Variants in MRTFA observed in about 807,000 individuals in gnomAD.
The protein encoded by MRTFA is myocardin-related transcription factor A.
MRTFA carries 20 observed loss-of-function variants against 83.5 expected under a neutral mutation model. The observed-to-expected ratio is 0.24, with a 90% confidence interval of 0.17 to 0.35. The LOEUF (loss-of-function observed/expected upper bound fraction) is 0.35. MRTFA is among the 10% of genes least tolerant of loss of function. MRTFA has a pLI of 1.00. For missense variants in MRTFA, 1,200 were observed against 1,224.7 expected (o/e 0.98, Z 0.30); for synonymous variants, 659 against 541.2 (o/e 1.22, Z -3.02).
intron 3 of MRTFA, chr22:40,533,563 T>C: frequency 8.3e-7 from 1 of 1,210,504 alleles, no homozygotes; most frequent in Admixed American, 4.2e-5. Context: ...ATTAGCAAGT[T>C]AGGAAATTAG....
At chr22:40,605,126 T>C (rs1161026079) in intron 1 of MRTFA, among the ~76,000 whole-genome samples, 1 of 152,090 alleles carries the variant, frequency 6.6e-6, no homozygotes, top group Non-Finnish European at 1.5e-5. Context: ...CACTTGTCTG[T>C]AAAGGAAAAA....
chr22:40,426,542 C>T (rs2052957601), intron 7 of MRTFA, among the ~76,000 whole-genome samples: 1 of 152,198 alleles, frequency 6.6e-6, no homozygotes, highest in Admixed American at 6.5e-5. Flanking sequence ...AAGTCCCCAA[C>T]AATCACCCCA....
intron 12 of MRTFA, among the ~76,000 whole-genome samples, chr22:40,417,985 C>G (rs931882382): frequency 6.6e-6 from 1 of 152,132 alleles, no homozygotes; most frequent in Non-Finnish European, 1.5e-5. Flanking sequence ...GGAGAGGACC[C>G]TGAGCTGGAT....
chr22:40,505,687 C>G (rs2054568707), intron 3 of MRTFA, among the ~76,000 whole-genome samples: 1 of 152,206 alleles, frequency 6.6e-6, no homozygotes, highest in African/African-American at 2.4e-5. Context: ...CTTCACACAG[C>G]TTTCGGGTGG....
chr22:40,548,629 G>A (rs1464834849), intron 3 of MRTFA, among the ~76,000 whole-genome samples: 1 of 152,078 alleles, frequency 6.6e-6, no homozygotes, highest in Admixed American at 6.6e-5. Flanking sequence ...GGGAGGCCAA[G>A]GCGGGCGGAT....
intron 12 of MRTFA, 61 bp from the exon 13 acceptor site, chr22:40,417,554 G>T: frequency 1.1e-5 from 4 of 356,536 alleles, no homozygotes; most frequent in Non-Finnish European, 2.1e-5. Context: ...GACCTGCCTT[G>T]TAGGGGGCGG....
chr22:40,629,212 G>A (rs2056613786), intron 1 of MRTFA, among the ~76,000 whole-genome samples: 1 of 152,036 alleles, frequency 6.6e-6, no homozygotes, highest in Non-Finnish European at 1.5e-5. Flanking sequence ...GGGAGGCCGA[G>A]GCGGGCGGAT....
At chr22:40,427,522 G>A (rs1349981686) in intron 7 of MRTFA, among the ~76,000 whole-genome samples, 1 of 152,196 alleles carries the variant, frequency 6.6e-6, no homozygotes, top group Non-Finnish European at 1.5e-5. Context: ...TGCCTCAGGA[G>A]GGGCAGGCAG....
chr22:40,577,682 C>T (rs1188791626), intron 2 of MRTFA, among the ~76,000 whole-genome samples: 3 of 151,116 alleles, frequency 2.0e-5, no homozygotes, highest in African/African-American at 7.3e-5. Context: ...GTGCGATCAC[C>T]GCAACCTCTG....
At chr22:40,628,681 C>T (rs550815381) in intron 1 of MRTFA, among the ~76,000 whole-genome samples, 3 of 152,012 alleles carry the variant, frequency 2.0e-5, no homozygotes, top group South Asian at 2.1e-4. Flanking sequence ...ATTTTCACAA[C>T]GCTCTTTCTT....
At chr22:40,613,970 C>T (rs1026725156) in intron 1 of MRTFA, among the ~76,000 whole-genome samples, 18 of 151,990 alleles carry the variant, frequency 1.2e-4, no homozygotes, top group African/African-American at 4.1e-4. Context: ...GAGGCCGAGG[C>T]GGGCGGATCA....
chr22:40,555,398 C>A (rs1225297416), intron 2 of MRTFA, among the ~76,000 whole-genome samples: 1 of 151,986 alleles, frequency 6.6e-6, no homozygotes, highest in African/African-American at 2.4e-5. Flanking sequence ...TGAGTGAGTT[C>A]TTCCAATATC....
At chr22:40,622,453 C>T (rs2056534482) in intron 1 of MRTFA, among the ~76,000 whole-genome samples, 1 of 143,158 alleles carries the variant, frequency 7.0e-6, no homozygotes, top group South Asian at 2.1e-4. Flanking sequence ...TACACTCCAG[C>T]CTGGGTGACA....
At chr22:40,590,562 G>C (rs1292226243) in intron 2 of MRTFA, among the ~76,000 whole-genome samples, 1 of 151,534 alleles carries the variant, frequency 6.6e-6, no homozygotes, top group African/African-American at 2.4e-5. Context: ...AGTTACTCAG[G>C]AGGCTGAGGC....
chr22:40,502,189 T>TGCAC (rs2054499719), intron 3 of MRTFA, among the ~76,000 whole-genome samples: 1 of 124,228 alleles, frequency 8.0e-6, no homozygotes, highest in African/African-American at 3.2e-5. Context: ...CCGGACGGGG[T>TGCAC]GGCTGCCGGG....
At chr22:40,498,430 C>T (rs2054399598) in intron 3 of MRTFA, among the ~76,000 whole-genome samples, 1 of 149,686 alleles carries the variant, frequency 6.7e-6, no homozygotes, top group African/African-American at 2.5e-5. Flanking sequence ...GACTAAGGTA[C>T]AAGCTACCAT....
Position 40,410,301 on chromosome 22 carries a change from G to GTT in MRTFA, c.*1087_*1088dup, listed in dbSNP as rs1555955141. 7.3e-6 allele frequency: 4 copies of GTT among 548,284 alleles called. No homozygotes were observed. The highest frequency in any genetic ancestry group is 9.8e-6 in the Non-Finnish European group (4 of 408,836). 34.0% of individuals were successfully genotyped at this position (548,284 alleles called of 1,614,324 possible). ...TGGACTAACAGGCCTGTGTTTTTGT[G>GTT]TTTATTTTAAAAAGTTCACACACCT... On this transcript the variant is annotated 3_prime_UTR_variant, in exon 15 of 15. Coordinates refer to ENST00000355630, the MANE Select transcript of MRTFA (RefSeq NM_020831.6).
intron 2 of MRTFA, chr22:40,587,550 A>C (rs1298525287): frequency 6.8e-6 from 2 of 294,628 alleles, no homozygotes; most frequent in East Asian, 1.0e-4. Context: ...CCACCAAAAA[A>C]AGTTCAGGAA....
chr22:40,619,916 A>T (rs540787220), intron 1 of MRTFA, among the ~76,000 whole-genome samples: 1 of 150,198 alleles, frequency 6.7e-6, no homozygotes, highest in East Asian at 2.0e-4. Flanking sequence ...AAAAGAAATC[A>T]GTACTTGATG....
Sources: gnomAD v4.1 joint callset for allele counts (sites outside exome capture counted in the v4.1 genomes callset) on GRCh38, gnomAD v4.1.1 for gene constraint, MANE v1.5 for transcripts, NCBI Gene and HGNC (gene_info 2026-07-23, HGNC 2026-07-21) for gene names.